The following ST6GALNAC3 variants were observed in gnomAD, a reference collection of about 807,000 sequenced individuals.
The protein encoded by ST6GALNAC3 is alpha-N-acetylgalactosaminide alpha-2,6-sialyltransferase 3.
Under a neutral mutation model 32.7 loss-of-function variants are expected in ST6GALNAC3, and 25 were observed. The observed-to-expected ratio is 0.76, with a 90% CI of 0.56 to 1.07. The LOEUF (loss-of-function observed/expected upper bound fraction) is 1.07. ST6GALNAC3 is among the 50% of genes least tolerant of loss of function. The probability of loss-of-function intolerance (pLI) is 0.00; values close to 1 mark genes in which losing one functional copy is unlikely to be tolerated. For synonymous variants in ST6GALNAC3, 129 were observed against 133.1 expected (o/e 0.97, Z 0.21); for missense variants, 355 against 382.4 (o/e 0.93, Z 0.60).
chr1:76,597,802 G>A (rs989639915), intron 3 of ST6GALNAC3, among the ~76,000 whole-genome samples: 1 of 151,986 alleles, frequency 6.6e-6, no homozygotes, highest in East Asian at 1.9e-4. Flanking sequence ...GGAGCTCTGG[G>A]GTCTACACCG....
intron 1 of ST6GALNAC3, among the ~76,000 whole-genome samples, chr1:76,277,357 T>G (rs1459169656): frequency 6.6e-6 from 1 of 151,716 alleles, no homozygotes; most frequent in Non-Finnish European, 1.5e-5. Context: ...TGAGACACAA[T>G]GGAAAGCCCA....
At chr1:76,575,912 G>C (rs1384875590) in intron 3 of ST6GALNAC3, among the ~76,000 whole-genome samples, 1 of 151,910 alleles carries the variant, frequency 6.6e-6, no homozygotes, top group African/African-American at 2.4e-5. Context: ...TTTTACTTAA[G>C]GGCCCCAAGG....
At chr1:76,385,145 G>A (rs997722532) in intron 2 of ST6GALNAC3, among the ~76,000 whole-genome samples, 7 of 151,832 alleles carry the variant, frequency 4.6e-5, no homozygotes, top group Non-Finnish European at 7.4e-5. Context: ...CAAAAATATC[G>A]CAAGATAAAA....
At chr1:76,298,737 C>G (rs1660555644) in intron 1 of ST6GALNAC3, among the ~76,000 whole-genome samples, 1 of 151,964 alleles carries the variant, frequency 6.6e-6, no homozygotes, top group Admixed American at 6.6e-5. Context: ...TTTTCTTTCA[C>G]AGTAATTCAG....
At chr1:76,339,350 C>A (rs1330573742) in intron 2 of ST6GALNAC3, among the ~76,000 whole-genome samples, 1 of 152,022 alleles carries the variant, frequency 6.6e-6, no homozygotes. Flanking sequence ...TGGAGTGAAG[C>A]TGAAGGAAGG....
chr1:76,104,040 C>G (rs1403631817), intron 1 of ST6GALNAC3, among the ~76,000 whole-genome samples: 2 of 152,132 alleles, frequency 1.3e-5, no homozygotes, highest in African/African-American at 4.8e-5. Context: ...AAATTCTCAA[C>G]TTTATAATTT....
At chr1:76,115,453 GA>G (rs1172839456) in intron 1 of ST6GALNAC3, among the ~76,000 whole-genome samples, 1 of 152,170 alleles carries the variant, frequency 6.6e-6, no homozygotes, top group Non-Finnish European at 1.5e-5. Flanking sequence ...TAAAACCACA[GA>G]AGGAGTCATT....
intron 1 of ST6GALNAC3, among the ~76,000 whole-genome samples, chr1:76,293,281 A>T (rs924507888): frequency 7.2e-5 from 11 of 152,138 alleles, no homozygotes; most frequent in Non-Finnish European, 1.5e-4. Flanking sequence ...ATGGTGTTGT[A>T]TCTTTTGCAG....
chr1:76,189,446 A>G (rs1306779692), intron 1 of ST6GALNAC3, among the ~76,000 whole-genome samples: 1 of 152,096 alleles, frequency 6.6e-6, no homozygotes, highest in Non-Finnish European at 1.5e-5. Context: ...GCTGAACCTG[A>G]CAGGCCAATA....
chr1:76,227,077 C>G (rs1467086587), intron 1 of ST6GALNAC3, among the ~76,000 whole-genome samples: 2 of 152,186 alleles, frequency 1.3e-5, no homozygotes, highest in Non-Finnish European at 2.9e-5. Context: ...TAGTGTAAAT[C>G]AAAACCAGAC....
At chr1:76,183,870 A>ATATATATATATATATATATG (rs1553163054) in intron 1 of ST6GALNAC3, among the ~76,000 whole-genome samples, 1 of 146,618 alleles carries the variant, frequency 6.8e-6, no homozygotes, top group African/African-American at 2.5e-5. Flanking sequence ...ATATATATAT[A>ATATATATATATATATATATG]TATGTATGTT....
At chr1:76,090,403 C>T (rs1647027926) in intron 1 of ST6GALNAC3, among the ~76,000 whole-genome samples, 1 of 152,240 alleles carries the variant, frequency 6.6e-6, no homozygotes, top group African/African-American at 2.4e-5. Context: ...TGAGCATTAA[C>T]TTCAGACTAA....
chr1:76,389,012 CT>C lies in ST6GALNAC3; in HGVS notation c.214-22980del, dbSNP rs371619828. ...GTGTGGTTGTTAGTTGGTATATTTC[CT>C]TTTTTTTTTTTTTTTGAGACAGAGT... On this transcript the variant is annotated intron_variant, in intron 2 of 4. Transcript: ENST00000328299. 3.8e-4 allele frequency among the ~76,000 whole-genome samples: 49 copies of C among 127,358 alleles called. 1 individual carries two copies. Among genetic ancestry groups the C allele is most frequent in the Admixed American group, 1.5e-3 (18 of 11,628 alleles). The allele number at this position is 127,358 out of a possible 152,430, so 83.6% of individuals were successfully genotyped here.
chr1:76,214,072 T>C (rs966416528), intron 1 of ST6GALNAC3, among the ~76,000 whole-genome samples: 1 of 152,200 alleles, frequency 6.6e-6, no homozygotes, highest in East Asian at 1.9e-4. Flanking sequence ...ATTTTTTTTC[T>C]TCCCCTTTGA....
chr1:76,390,588 A>C (rs1652456566), intron 2 of ST6GALNAC3, among the ~76,000 whole-genome samples: 1 of 152,144 alleles, frequency 6.6e-6, no homozygotes, highest in Non-Finnish European at 1.5e-5. Flanking sequence ...TTGGCTCCAA[A>C]GACTAAGTGT....
chr1:76,118,799 C>T (rs763602525), intron 1 of ST6GALNAC3, among the ~76,000 whole-genome samples: 15 of 152,060 alleles, frequency 9.9e-5, no homozygotes, highest in Non-Finnish European at 1.8e-4. Context: ...ATACAGTTTT[C>T]CTGAAGTATC....
intron 3 of ST6GALNAC3, among the ~76,000 whole-genome samples, chr1:76,520,000 T>C (rs12134351): frequency 0.11 from 17,007 of 151,886 alleles, 1,077 homozygotes; most frequent in East Asian, 0.22. Context: ...AGTGTATATA[T>C]TTTTAAATAT....
chr1:76,375,788 T>C (rs1330987455), intron 2 of ST6GALNAC3, among the ~76,000 whole-genome samples: 1 of 152,228 alleles, frequency 6.6e-6, no homozygotes, highest in Admixed American at 6.5e-5. Flanking sequence ...AAATCAGGAT[T>C]TATTCATAAA....
At position 76,630,798 on chromosome 1, in the gene ST6GALNAC3, A is replaced by G; in HGVS notation, c.*1992A>G. On this transcript the variant is annotated 3_prime_UTR_variant, in exon 5 of 5. Coordinates refer to ENST00000328299, the MANE Select transcript of ST6GALNAC3 (RefSeq NM_152996.4). ...TTGTTGTTCCCTTATGCAATTTTTA[A>G]TTCTATGAATGTTAAGTTTTTTTGA... is the stretch of plus-strand genomic sequence containing the variant. 1.0e-6 allele frequency: 1 copy of G among 985,640 alleles called. No homozygotes were observed. The highest frequency in any genetic ancestry group is 1.2e-6 in the Non-Finnish European group (1 of 829,828). 61.1% of individuals were successfully genotyped at this position (985,640 alleles called of 1,614,324 possible).
Sources: allele counts gnomAD v4.1 joint callset (sites outside exome capture counted in the v4.1 genomes callset), GRCh38; gene constraint gnomAD v4.1.1; transcripts MANE v1.5; gene names NCBI Gene and HGNC (gene_info 2026-07-23, HGNC 2026-07-21).